The following SKIC3 variants were observed in gnomAD, a reference collection of about 807,000 sequenced individuals.
SKIC3 encodes the protein SKI3 subunit of superkiller complex, also known as superkiller complex protein 3.
At chr5:95,518,154 G>A in the SKIC3 span, among the ~76,000 whole-genome samples, 1 of 152,030 alleles carries the variant, frequency 6.6e-6, no homozygotes, top group East Asian at 1.9e-4. Context: ...AATATATTTG[G>A]TAAGATCTGA....
At chr5:95,490,146 G>C in the SKIC3 span, among the ~76,000 whole-genome samples, 1 of 151,968 alleles carries the variant, frequency 6.6e-6, no homozygotes, top group Non-Finnish European at 1.5e-5. Flanking sequence ...AACTAAATCT[G>C]ATTAGATTAA....
chr5:95,512,732 T>C, the SKIC3 span: 1 of 1,225,148 alleles, frequency 8.2e-7, no homozygotes, highest in South Asian at 1.3e-5. Flanking sequence ...TCAGTGTTCT[T>C]TAAGTCAATT....
At chr5:95,480,275 A>G in the SKIC3 span, among the ~76,000 whole-genome samples, 1 of 152,164 alleles carries the variant, frequency 6.6e-6, no homozygotes, top group African/African-American at 2.4e-5. Flanking sequence ...TAACATTAAT[A>G]AAGGCAGCCA....
At chr5:95,515,698 T>G in the SKIC3 span, among the ~76,000 whole-genome samples, 2 of 152,100 alleles carry the variant, frequency 1.3e-5, no homozygotes, top group Non-Finnish European at 2.9e-5. Context: ...AATCCAGTCT[T>G]TTTTGCAGGG....
At chr5:95,487,077 C>T in the SKIC3 span, among the ~76,000 whole-genome samples, 153 of 152,264 alleles carry the variant, frequency 1.0e-3, no homozygotes, top group African/African-American at 3.6e-3. Context: ...ACAATCTAAT[C>T]AGCTTCCAGC....
the SKIC3 span, among the ~76,000 whole-genome samples, chr5:95,484,562 G>A: frequency 2.6e-5 from 4 of 151,868 alleles, no homozygotes; most frequent in African/African-American, 7.3e-5. Context: ...GCCTAGGCTC[G>A]TCTCAAACTC....
chr5:95,535,307 ATTTTTTTT>A, the SKIC3 span, among the ~76,000 whole-genome samples: 4 of 91,800 alleles, frequency 4.4e-5, no homozygotes, highest in African/African-American at 8.6e-5. Flanking sequence ...GGTAACAGCA[ATTTTTTTT>A]TTTTTTTTTT....
At chr5:95,467,024 TG>T in the SKIC3 span, among the ~76,000 whole-genome samples, 1 of 152,206 alleles carries the variant, frequency 6.6e-6, no homozygotes, top group African/African-American at 2.4e-5. Context: ...TGTTGATTTT[TG>T]ATACTGCTTT....
chr5:95,518,030 AT>A, the SKIC3 span, among the ~76,000 whole-genome samples: 3 of 152,096 alleles, frequency 2.0e-5, no homozygotes, highest in Non-Finnish European at 4.4e-5. Flanking sequence ...TCCTGGACTT[AT>A]CAGCCTCCAG....
At chr5:95,522,751 T>C in the SKIC3 span, among the ~76,000 whole-genome samples, 20 of 152,190 alleles carry the variant, frequency 1.3e-4, no homozygotes, top group Admixed American at 1.3e-3. Flanking sequence ...CTCTAGATAC[T>C]AACATAAACC....
the SKIC3 span, among the ~76,000 whole-genome samples, chr5:95,528,332 CTG>C: frequency 6.6e-6 from 1 of 152,114 alleles, no homozygotes; most frequent in Admixed American, 6.5e-5. Context: ...ATGGAAAGAC[CTG>C]AATTTAAAAC....
At chr5:95,540,290 T>C in the SKIC3 span, among the ~76,000 whole-genome samples, 1 of 152,004 alleles carries the variant, frequency 6.6e-6, no homozygotes, top group African/African-American at 2.4e-5. Flanking sequence ...ATAAGAATAA[T>C]ACAATGGACT....
chr5:95,495,587 C>G, the SKIC3 span: 1 of 152,986 alleles, frequency 6.5e-6, no homozygotes, highest in African/African-American at 2.4e-5. Context: ...ATAGCTGACA[C>G]ATAATAAAGC....
chr5:95,482,253 T>C, the SKIC3 span, among the ~76,000 whole-genome samples: 1 of 152,128 alleles, frequency 6.6e-6, no homozygotes, highest in Non-Finnish European at 1.5e-5. Flanking sequence ...AAATTTAGAA[T>C]CAATAACTTA....
chr5:95,482,608 C>G, the SKIC3 span: 5 of 1,613,890 alleles, frequency 3.1e-6, no homozygotes, highest in Non-Finnish European at 4.2e-6. Context: ...TAACGGCTGG[C>G]TGATCAGGGT....
chr5:95,549,219 T>G, the SKIC3 span, among the ~76,000 whole-genome samples: 1 of 151,904 alleles, frequency 6.6e-6, no homozygotes. Context: ...CAGAGGCAAA[T>G]GCATTAGCAA....
At chr5:95,501,205 C>T in the SKIC3 span, among the ~76,000 whole-genome samples, 254 of 152,178 alleles carry the variant, frequency 1.7e-3, no homozygotes, top group Non-Finnish European at 3.1e-3. Context: ...AAAAAATCTA[C>T]CTACTTTAAT....
chr5:95,537,707 C>G, the SKIC3 span, among the ~76,000 whole-genome samples: 3 of 152,118 alleles, frequency 2.0e-5, no homozygotes. Context: ...TGAAGGCCAA[C>G]AGGCCTTCTA....
the SKIC3 span, among the ~76,000 whole-genome samples, chr5:95,540,413 G>A: frequency 2.0e-5 from 3 of 151,466 alleles, no homozygotes; most frequent in Admixed American, 1.3e-4. Context: ...GAACTTACTC[G>A]TGACCAAATA....
Sources: allele counts gnomAD v4.1 joint callset (sites outside exome capture counted in the v4.1 genomes callset), GRCh38; gene constraint gnomAD v4.1.1; transcripts MANE v1.5; gene names NCBI Gene and HGNC (gene_info 2026-07-23, HGNC 2026-07-21).